The following GHR variants were observed in gnomAD, a reference collection of about 807,000 sequenced individuals.
GHR encodes the protein growth hormone receptor, also known as GH receptor.
In GHR, 35 loss-of-function variants were observed where a neutral mutation model predicts 67.1. That is an observed-to-expected ratio of 0.52 (90% CI 0.40 to 0.69). The LOEUF is 0.69. GHR is among the 30% of genes least tolerant of loss of function. The probability of loss-of-function intolerance (pLI) is 0.00; values close to 1 mark genes in which losing one functional copy is unlikely to be tolerated. For missense variants in GHR, 792 were observed against 764.6 expected, an observed-to-expected ratio of 1.04 and a Z score of -0.42; for synonymous variants, 272 against 269.1, an observed-to-expected ratio of 1.01 and a Z score of -0.10.
chr5:42,642,965 A>T (rs1754552677), intron 3 of GHR, among the ~76,000 whole-genome samples: 1 of 152,140 alleles, frequency 6.6e-6, no homozygotes, highest in Admixed American at 6.5e-5. Flanking sequence ...TGTCTCTTTT[A>T]AGGACACCTA....
At chr5:42,488,018 TG>T (rs969321362) in intron 1 of GHR, among the ~76,000 whole-genome samples, 56 of 152,212 alleles carry the variant, frequency 3.7e-4, no homozygotes, top group African/African-American at 1.4e-3. Context: ...CTTTTGCTCT[TG>T]CCTCCCACTG....
In GHR at chr5:42,424,634, C is replaced by A. The variant is rs1320660016; in HGVS notation, c.-12+679C>A. 2 of 1,521,268 alleles carry A rather than the reference C, an allele frequency of 1.3e-6. No homozygotes were observed. The highest frequency in any genetic ancestry group is 1.8e-6 in the Non-Finnish European group (2 of 1,133,818). 94.2% of individuals were successfully genotyped at this position (1,521,268 alleles called of 1,614,324 possible). On this transcript the variant is annotated intron_variant, in intron 1 of 9. Transcript: ENST00000230882. This position sits in a 1 kb window ranked among gnomAD's most constrained non-coding sequence, Gnocchi z 4.1. ...ATTGTGGCGAGCCGACCTCCCCCAG[C>A]TTTTGACACACTAGTGGTTGTAAAA...
At chr5:42,467,213 A>C in intron 1 of GHR, 16 of 1,523,676 alleles carry the variant, frequency 1.1e-5, no homozygotes, top group Non-Finnish European at 1.5e-5. Flanking sequence ...CATTCACTGC[A>C]GTCATAAGGT....
rs1757386539 is a variant in GHR, at chr5:42,690,780, C to T, written c.266+1761C>T. ...ACTATATTTTTCCTTAAGGCTGACA[C>T]CACAGAGAGGTTGGGGCCAGTAAAC... is the stretch of plus-strand genomic sequence containing the variant. On this transcript the variant is annotated intron_variant, in intron 4 of 9. Coordinates refer to ENST00000230882, the MANE Select transcript of GHR (RefSeq NM_000163.5). Among the ~76,000 whole-genome samples the T allele has an allele frequency of 2.0e-5, 3 of 152,054 alleles. No individual in the cohort carries two copies. The South Asian group carries it at 6.2e-4, about 32-fold the overall frequency.
intron 8 of GHR, among the ~76,000 whole-genome samples, chr5:42,715,503 G>A (rs970013299): frequency 4.6e-5 from 7 of 152,020 alleles, no homozygotes; most frequent in Non-Finnish European, 8.8e-5. Flanking sequence ...AATTTTATTT[G>A]TATCTGATAC....
At chr5:42,541,538 T>C (rs1748517242) in intron 1 of GHR, among the ~76,000 whole-genome samples, 1 of 151,284 alleles carries the variant, frequency 6.6e-6, no homozygotes, top group Non-Finnish European at 1.5e-5. Context: ...TTACTCTAAG[T>C]GAGATAGGAT....
chr5:42,444,130 A>G (rs1743710275), intron 1 of GHR, among the ~76,000 whole-genome samples: 1 of 152,090 alleles, frequency 6.6e-6, no homozygotes, highest in African/African-American at 2.4e-5. Flanking sequence ...CAACAAAAAT[A>G]CTCAGTCCAA....
chr5:42,481,713 T>G (rs930925334), intron 1 of GHR, among the ~76,000 whole-genome samples: 4 of 152,256 alleles, frequency 2.6e-5, no homozygotes, highest in Non-Finnish European at 5.9e-5. Flanking sequence ...GTAATTCTCG[T>G]GCCTTGGTTT....
intron 1 of GHR, among the ~76,000 whole-genome samples, chr5:42,469,225 AG>A (rs1744889565): frequency 6.6e-6 from 1 of 152,238 alleles, no homozygotes; most frequent in Non-Finnish European, 1.5e-5. Context: ...AGGTGGGTCC[AG>A]GGAACTTAGG....
intron 2 of GHR, among the ~76,000 whole-genome samples, chr5:42,609,554 C>T (rs1226936123): frequency 6.6e-6 from 1 of 152,126 alleles, no homozygotes; most frequent in Non-Finnish European, 1.5e-5. Context: ...ACTTTGGTTC[C>T]TAGCTGTTGG....
intron 1 of GHR, among the ~76,000 whole-genome samples, chr5:42,495,399 G>GT (rs1168436304): frequency 6.6e-6 from 1 of 151,926 alleles, no homozygotes; most frequent in Non-Finnish European, 1.5e-5. Flanking sequence ...TTCATTAGCT[G>GT]TTTTTTTCCA....
chr5:42,579,151 T>G (rs146029856), intron 2 of GHR, among the ~76,000 whole-genome samples: 4,955 of 86,164 alleles, frequency 0.058, 165 homozygotes, highest in East Asian at 0.1. Context: ...GATAGATAGA[T>G]ATAGATAGAT....
intron 3 of GHR, among the ~76,000 whole-genome samples, chr5:42,639,109 G>A (rs1424434932): frequency 6.6e-6 from 1 of 152,168 alleles, no homozygotes; most frequent in East Asian, 1.9e-4. Context: ...AATGCTTGGT[G>A]ATGGATGGAA....
chr5:42,647,679 G>A (rs1460990131), intron 3 of GHR: 8 of 449,594 alleles, frequency 1.8e-5, no homozygotes, highest in Non-Finnish European at 3.6e-5. Context: ...CTAATGCAGA[G>A]TAGAGAAGCT....
At chr5:42,714,982 TG>T (rs1758649414) in intron 8 of GHR, 1 of 293,468 alleles carries the variant, frequency 3.4e-6, no homozygotes, top group African/African-American at 2.3e-5. Context: ...TTTGTTATGT[TG>T]TTTAGTTATA....
chr5:42,706,075 A>G (rs866484910), intron 6 of GHR, among the ~76,000 whole-genome samples: 6 of 152,014 alleles, frequency 3.9e-5, no homozygotes, highest in South Asian at 2.1e-4. Flanking sequence ...TGACTTTTTG[A>G]TAATAGCCTT....
chr5:42,540,183 T>TTCTCTCTCTCTCTCTC (rs57962722), intron 1 of GHR, among the ~76,000 whole-genome samples: 2 of 144,398 alleles, frequency 1.4e-5, no homozygotes, highest in Middle Eastern at 3.5e-3. Context: ...TGTTACTGTA[T>TTCTCTCTCTCTCTCTC]TCTCTCTCTC....
intron 1 of GHR, among the ~76,000 whole-genome samples, chr5:42,479,795 G>T (rs1318011857): frequency 4.6e-5 from 7 of 151,872 alleles, no homozygotes; most frequent in African/African-American, 1.5e-4. Context: ...TATTAGTCTT[G>T]CTAGCATTCT....
chr5:42,491,763 C>T (rs1746126496), intron 1 of GHR, among the ~76,000 whole-genome samples: 1 of 152,178 alleles, frequency 6.6e-6, no homozygotes, highest in African/African-American at 2.4e-5. Context: ...ATGAGGAAGT[C>T]TGCTGTCCAA....
Sources: allele counts gnomAD v4.1 joint callset (sites outside exome capture counted in the v4.1 genomes callset), GRCh38; gene constraint gnomAD v4.1.1; non-coding constraint Gnocchi (gnomAD v3.1); transcripts MANE v1.5; gene names NCBI Gene and HGNC (gene_info 2026-07-23, HGNC 2026-07-21).